The following RAB27A variants were observed in gnomAD, a reference collection of about 807,000 sequenced individuals.
RAB27A encodes ras-related protein Rab-27A.
In RAB27A, 17 loss-of-function variants were observed where a neutral mutation model predicts 20.8. The ratio of observed to expected loss-of-function variants is 0.82; its 90% confidence interval spans 0.56 to 1.23. RAB27A has a LOEUF of 1.23. Ranked by LOEUF, RAB27A falls within the 50% of genes most tolerant of loss-of-function variation. RAB27A has a pLI of 0.00. For missense variants in RAB27A, 277 were observed against 266.7 expected, an observed-to-expected ratio of 1.04 and a Z score of -0.27; for synonymous variants, 85 against 92.8, an observed-to-expected ratio of 0.92 and a Z score of 0.48.
intron 2 of RAB27A, among the ~76,000 whole-genome samples, chr15:55,245,979 G>A (rs1896669455): frequency 1.3e-5 from 2 of 152,078 alleles, no homozygotes; most frequent in African/African-American, 2.4e-5. Context: ...AGCTACTCAG[G>A]AGGGTGAGGC....
chr15:55,281,317 TC>T lies in RAB27A; in HGVS notation c.-143+8398del, dbSNP rs1424665356. On this transcript the variant is annotated intron_variant, in intron 1 of 6. Transcript: ENST00000336787. ...TATATTTGCTTCACCTGGCTATTCT[TC>T]CGAAAGGAAGCATACACTGTCCTCA... 4.6e-5 allele frequency among the ~76,000 whole-genome samples: 7 copies of T among 152,344 alleles called. No individual in the cohort carries two copies. The East Asian group carries it at 1.3e-3, about 29-fold the overall frequency.
chr15:55,263,474 G>A (rs1017554804), intron 2 of RAB27A, among the ~76,000 whole-genome samples: 19 of 152,072 alleles, frequency 1.2e-4, no homozygotes, highest in African/African-American at 3.6e-4. Flanking sequence ...GAGAAACATC[G>A]AAAATGCATT....
At chr15:55,264,030 T>C (rs2414407) in intron 2 of RAB27A, among the ~76,000 whole-genome samples, 134,957 of 152,242 alleles carry the variant, frequency 0.89, 59,954 homozygotes, top group African/African-American at 0.93. Flanking sequence ...GCCAGGGTTA[T>C]TTTTTCTGTT....
At chr15:55,301,605 C>A (rs2054972338) in intron 2 of RAB27A, among the ~76,000 whole-genome samples, 1 of 151,690 alleles carries the variant, frequency 6.6e-6, no homozygotes, top group Non-Finnish European at 1.5e-5. Flanking sequence ...ACATTGATCA[C>A]CACTATCTAC....
At chr15:55,256,533 C>T (rs1269197236) in intron 2 of RAB27A, among the ~76,000 whole-genome samples, 1 of 152,256 alleles carries the variant, frequency 6.6e-6, no homozygotes, top group African/African-American at 2.4e-5. Flanking sequence ...ATAGGATACA[C>T]AGCATGTTTC....
chr15:55,235,605 A>G (rs957842741), intron 2 of RAB27A, among the ~76,000 whole-genome samples: 1 of 152,142 alleles, frequency 6.6e-6, no homozygotes, highest in African/African-American at 2.4e-5. Context: ...TAATACAAGA[A>G]AAACAGAGGA....
upstream of RAB27A, among the ~76,000 whole-genome samples, chr15:55,294,089 T>C (rs895597147): frequency 2.8e-4 from 43 of 152,070 alleles, no homozygotes; most frequent in African/African-American, 9.9e-4. Context: ...ATTTAAAAAG[T>C]TCATGCTTCC....
At chr15:55,209,831 T>C (rs371310326) in intron 6 of RAB27A, among the ~76,000 whole-genome samples, 1,279 of 85,964 alleles carry the variant, frequency 0.015, 174 homozygotes, top group African/African-American at 0.044. Context: ...TATATATACA[T>C]ATATGTGTGT....
chr15:55,240,612 GA>G (rs11333362), intron 2 of RAB27A, among the ~76,000 whole-genome samples: 1,592 of 150,368 alleles, frequency 0.011, 36 homozygotes, highest in African/African-American at 0.037. Flanking sequence ...TGAGAGACAG[GA>G]AAAAAAAATG....
At chr15:55,231,438 A>T (rs185402536) in intron 3 of RAB27A, among the ~76,000 whole-genome samples, 2 of 152,308 alleles carry the variant, frequency 1.3e-5, no homozygotes, top group African/African-American at 4.8e-5. Flanking sequence ...ACAGTGGTAA[A>T]AATTGTCCAA....
chr15:55,305,804 C>T (rs1004015003), intron 2 of RAB27A, among the ~76,000 whole-genome samples: 3 of 152,182 alleles, frequency 2.0e-5, no homozygotes, highest in Non-Finnish European at 2.9e-5. Context: ...AGGGAATCGG[C>T]GACCTGTTCC....
At chr15:55,264,453 T>C (rs1170875850) in intron 2 of RAB27A, among the ~76,000 whole-genome samples, 1 of 152,232 alleles carries the variant, frequency 6.6e-6, no homozygotes, top group East Asian at 1.9e-4. Flanking sequence ...ATCTGTTTTT[T>C]AACAGAAATT....
At chr15:55,298,079 A>G (rs2141141168) in intron 2 of RAB27A, among the ~76,000 whole-genome samples, 1 of 152,078 alleles carries the variant, frequency 6.6e-6, no homozygotes, top group East Asian at 1.9e-4. Context: ...GTGGCAGGCA[A>G]CTGTAGTCAC....
rs184244738 is a variant in RAB27A at position 55,211,922 on chromosome 15, A to C, written c.468-6217T>G. On this transcript the variant is annotated intron_variant, in intron 6 of 6. Transcript: ENST00000336787. The stretch of plus-strand genomic sequence containing the variant: ...ACTGGGTAAATTCAAATTTTGCAAC[A>C]TGCTATTTTATTAAATGAGTTTCCT... 2.4e-3 allele frequency among the ~76,000 whole-genome samples: 364 copies of C among 150,460 alleles called. 2 individuals are homozygous for C. The highest frequency in any genetic ancestry group is 4.1e-3 in the Non-Finnish European group (278 of 67,654).
chr15:55,216,353 T>A (rs1386268016), intron 6 of RAB27A, among the ~76,000 whole-genome samples: 1 of 151,964 alleles, frequency 6.6e-6, no homozygotes. Flanking sequence ...GCCAACATGG[T>A]GAAACCCTGT....
At chr15:55,307,585 A>C (rs987383127) in intron 2 of RAB27A, among the ~76,000 whole-genome samples, 1 of 151,834 alleles carries the variant, frequency 6.6e-6, no homozygotes, top group Non-Finnish European at 1.5e-5. Context: ...GGGAAGTCCG[A>C]ATCTGGGAAT....
At chr15:55,220,969 C>G (rs1271306264) in intron 6 of RAB27A, among the ~76,000 whole-genome samples, 1 of 152,208 alleles carries the variant, frequency 6.6e-6, no homozygotes, top group African/African-American at 2.4e-5. Flanking sequence ...GCTAAATCCT[C>G]TTTTCTCATT....
Position 55,262,507 on chromosome 15 carries a change from A to G in RAB27A, c.-23+7658T>C, listed in dbSNP as rs961517954. ...CAGTGAGCCGAGATCACGCCACTGC[A>G]CTCCAGCCTGGGCAACAGAGTGAGA... On this transcript the variant is annotated intron_variant, in intron 2 of 6. Coordinates refer to ENST00000336787, the MANE Select transcript of RAB27A (RefSeq NM_183235.3). 9.0e-4 allele frequency among the ~76,000 whole-genome samples: 135 copies of G among 149,456 alleles called. 1 individual carries two copies. The highest frequency in any genetic ancestry group is 3.5e-3 in the Middle Eastern group (1 of 286).
chr15:55,249,500 T>C (rs1896810582), intron 2 of RAB27A, among the ~76,000 whole-genome samples: 1 of 152,180 alleles, frequency 6.6e-6, no homozygotes, highest in African/African-American at 2.4e-5. Flanking sequence ...AGGCTGGTCC[T>C]GAACTCCTGG....
Sources: allele counts gnomAD v4.1 joint callset (sites outside exome capture counted in the v4.1 genomes callset), GRCh38; gene constraint gnomAD v4.1.1; transcripts MANE v1.5; gene names NCBI Gene and HGNC (gene_info 2026-07-23, HGNC 2026-07-21).